Variants in OPCML observed in about 807,000 individuals in gnomAD.
OPCML encodes opioid-binding protein/cell adhesion molecule.
OPCML carries 13 observed loss-of-function variants against 37.8 expected under a neutral mutation model. That is an observed-to-expected ratio of 0.34 (90% CI 0.22 to 0.55). The LOEUF is 0.55. OPCML is among the 20% of genes least tolerant of loss of function. OPCML has a pLI of 0.91. For missense variants in OPCML, 341 were observed against 435.6 expected (o/e 0.78, Z 1.93); for synonymous variants, 176 against 168.8 (o/e 1.04, Z -0.33).
chr11:132,710,924 G>C (rs1161134993), intron 2 of OPCML, among the ~76,000 whole-genome samples: 2 of 151,982 alleles, frequency 1.3e-5, no homozygotes, highest in Non-Finnish European at 2.9e-5. Flanking sequence ...GAGAGGGTAA[G>C]GGGTCTGGAG....
intron 1 of OPCML, among the ~76,000 whole-genome samples, chr11:133,458,213 T>TACACAC (rs1946725074): frequency 7.4e-6 from 1 of 134,652 alleles, no homozygotes; most frequent in Non-Finnish European, 1.5e-5. Context: ...TGTGTGTATA[T>TACACAC]ATACACATAT....
chr11:133,031,328 T>C (rs1424883648), intron 1 of OPCML, among the ~76,000 whole-genome samples: 2 of 151,324 alleles, frequency 1.3e-5, no homozygotes, highest in Non-Finnish European at 2.9e-5. Context: ...GGTGAATGGA[T>C]GGATTGATGG....
intron 1 of OPCML, among the ~76,000 whole-genome samples, chr11:133,519,811 C>G (rs1948362462): frequency 1.3e-5 from 2 of 152,222 alleles, no homozygotes; most frequent in African/African-American, 4.8e-5. Context: ...ACAAACCTGA[C>G]TTCAACCAGC....
Position 132,570,804 on chromosome 11 carries a change from T to TGAGAGAGAGAG in OPCML, c.380-41619_380-41618insCTCTCTCTCTC, listed in dbSNP as rs1271040683. On this transcript the variant is annotated intron_variant, in intron 3 of 7. Coordinates refer to ENST00000524381, the MANE Select transcript of OPCML (RefSeq NM_001012393.5). ...ATATATATATATATATATATATATTTAGAGAGAGAGAGAGAGGATATATAC... is the reference window on the plus strand; with the variant it reads ...ATATATATATATATATATATATATTTGAGAGAGAGAGAGAGAGAGAGAGAGAGGATATATAC... Among the ~76,000 whole-genome samples, 307 of 90,754 alleles carry TGAGAGAGAGAG rather than the reference T, an allele frequency of 3.4e-3. 9 individuals are homozygous for TGAGAGAGAGAG. Among genetic ancestry groups the TGAGAGAGAGAG allele is most frequent in the Non-Finnish European group, 4.4e-3 (204 of 46,170 alleles). The allele number at this position is 90,754 out of a possible 152,430, so 59.5% of individuals were successfully genotyped here.
chr11:133,301,118 C>T (rs567340161), intron 1 of OPCML: 1 of 152,272 alleles, frequency 6.6e-6, no homozygotes, highest in African/African-American at 2.4e-5. Flanking sequence ...TGTTTATGCT[C>T]ATCAGCCTAG....
intron 2 of OPCML, among the ~76,000 whole-genome samples, chr11:132,690,107 T>C (rs1943338109): frequency 6.6e-6 from 1 of 152,146 alleles, no homozygotes; most frequent in Admixed American, 6.5e-5. Flanking sequence ...AGGTTCTTTG[T>C]CTTTTTCTTT....
chr11:133,412,150 G>C (rs564185256), intron 1 of OPCML, among the ~76,000 whole-genome samples: 14 of 152,320 alleles, frequency 9.2e-5, no homozygotes, highest in African/African-American at 2.6e-4. Flanking sequence ...GCAGTCTCTG[G>C]AACTAGTAAC....
At chr11:132,925,435 TAAG>T (rs1487198179) in intron 2 of OPCML, among the ~76,000 whole-genome samples, 1 of 152,174 alleles carries the variant, frequency 6.6e-6, no homozygotes, top group African/African-American at 2.4e-5. Context: ...AAGCTTTTGT[TAAG>T]AAGAACAGAA....
At chr11:133,077,328 C>G (rs961638524) in intron 1 of OPCML, among the ~76,000 whole-genome samples, 32 of 151,984 alleles carry the variant, frequency 2.1e-4, no homozygotes, top group African/African-American at 7.7e-4. Flanking sequence ...GCCCTGCCCT[C>G]ATTTTCCCCG....
chr11:132,472,649 G>A (rs142619949), intron 4 of OPCML, among the ~76,000 whole-genome samples: 1 of 152,276 alleles, frequency 6.6e-6, no homozygotes, highest in Non-Finnish European at 1.5e-5. Context: ...GCTTGGCCAG[G>A]GCTTCAGATA....
At chr11:132,435,726 A>C (rs2096010792) in intron 7 of OPCML, among the ~76,000 whole-genome samples, 1 of 152,240 alleles carries the variant, frequency 6.6e-6, no homozygotes, top group Non-Finnish European at 1.5e-5. Flanking sequence ...TTAAAGCAAC[A>C]AATATCACCC....
chr11:132,826,260 G>GA (rs1178085062), intron 2 of OPCML, among the ~76,000 whole-genome samples: 1 of 152,136 alleles, frequency 6.6e-6, no homozygotes, highest in Non-Finnish European at 1.5e-5. Context: ...TGTTGGCTTG[G>GA]AAACTATGAA....
At chr11:133,384,247 C>CAAAAAAAAAAA (rs1186998875) in intron 1 of OPCML, among the ~76,000 whole-genome samples, 8 of 71,192 alleles carry the variant, frequency 1.1e-4, no homozygotes, top group East Asian at 3.9e-4. Context: ...GGCCACTGTG[C>CAAAAAAAAAAA]AAAAAAAAAA....
chr11:133,096,964 G>A (rs1432258307), intron 1 of OPCML, among the ~76,000 whole-genome samples: 1 of 152,080 alleles, frequency 6.6e-6, no homozygotes, highest in East Asian at 1.9e-4. Context: ...TTTAATGATT[G>A]TCCCTCTTTC....
intron 1 of OPCML, among the ~76,000 whole-genome samples, chr11:133,018,113 A>G (rs746125909): frequency 4.8e-4 from 73 of 152,202 alleles, no homozygotes; most frequent in Non-Finnish European, 9.3e-4. Flanking sequence ...TGTTCCTGCC[A>G]TAGTTTTCCT....
At chr11:132,890,751 G>A (rs1351296498) in intron 2 of OPCML, among the ~76,000 whole-genome samples, 1 of 150,352 alleles carries the variant, frequency 6.7e-6, no homozygotes, top group African/African-American at 2.4e-5. Flanking sequence ...CAGCTACTCA[G>A]GAGGCTGAGG....
chr11:133,500,341 G>A (rs548956486), intron 1 of OPCML, among the ~76,000 whole-genome samples: 54 of 152,284 alleles, frequency 3.5e-4, no homozygotes, highest in African/African-American at 9.6e-4. Context: ...CCACCCTGGC[G>A]TGAACAGTGG....
At chr11:133,044,429 TA>T (rs905166421) in intron 1 of OPCML, among the ~76,000 whole-genome samples, 1 of 151,964 alleles carries the variant, frequency 6.6e-6, no homozygotes, top group African/African-American at 2.4e-5. Flanking sequence ...GGAGAGAGGC[TA>T]AATTGTGAAA....
intron 2 of OPCML, among the ~76,000 whole-genome samples, chr11:132,689,020 T>G (rs572257609): frequency 3.4e-5 from 5 of 148,850 alleles, no homozygotes; most frequent in Non-Finnish European, 7.5e-5. Flanking sequence ...GAGAAACAAA[T>G]TGTTAGTAAA....
Sources: gnomAD v4.1 joint callset for allele counts (sites outside exome capture counted in the v4.1 genomes callset) on GRCh38, gnomAD v4.1.1 for gene constraint, MANE v1.5 for transcripts, NCBI Gene and HGNC (gene_info 2026-07-23, HGNC 2026-07-21) for gene names.